The following IDH2 variants were observed in gnomAD, a reference collection of about 807,000 sequenced individuals.
IDH2 encodes isocitrate dehydrogenase [NADP], mitochondrial.
IDH2 carries 18 observed loss-of-function variants against 50.5 expected under a neutral mutation model. The ratio of observed to expected loss-of-function variants is 0.36; its 90% CI spans 0.25 to 0.53. The LOEUF is 0.53. Ranked by LOEUF, IDH2 falls within the 20% of genes least tolerant of loss-of-function variation. The pLI is 0.92. For synonymous variants in IDH2, 280 were observed against 239.8 expected, an observed-to-expected ratio of 1.17 and a Z score of -1.55; for missense variants, 518 against 610.7, an observed-to-expected ratio of 0.85 and a Z score of 1.60.
chr15:90,091,839 A>G (rs1901047427), intron 1 of IDH2, among the ~76,000 whole-genome samples, 195 bp from the exon 2 acceptor site: 1 of 152,204 alleles, frequency 6.6e-6, no homozygotes, highest in Non-Finnish European at 1.5e-5. Context: ...CAGGCCATGG[A>G]CTAGTACCGT....
At chr15:90,087,290 G>A (rs918173411) in intron 6 of IDH2, 27 bp from the exon 7 acceptor site, 2 of 1,614,100 alleles carry the variant, frequency 1.2e-6, no homozygotes, top group Middle Eastern at 1.6e-4. Flanking sequence ...CTGTTATGGG[G>A]AGAGGGCAGA....
At position 90,084,348 on chromosome 15, in the gene IDH2, T is replaced by C. The variant is rs781761976; in HGVS notation, c.1277A>G (p.Lys426Arg). 3.1e-6 allele frequency: 5 copies of C among 1,613,616 alleles called. No homozygotes were observed. In the South Asian group the frequency reaches 5.5e-5, roughly 18 times the overall value. Residue 426 changes from lysine to arginine, a missense_variant, in exon 11 of 11, where the codon AAG becomes AGG. Coordinates refer to ENST00000330062, the MANE Select transcript of IDH2 (RefSeq NM_002168.4). This position sits in a 1 kb window ranked among gnomAD's most constrained non-coding sequence, Gnocchi z 5.0. ...GGTGTTCAGGAAGTGCTCGTTCAGC[T>C]TCACACTGCAGAGAGAGCACCACTC... ...AGCIHGLSNV[K>R]LNEHFLNTTD...
chr15:90,090,474 C>T lies in IDH2; in HGVS notation c.373+5G>A, dbSNP rs1901004338. The T allele has an allele frequency of 2.5e-6, 4 of 1,612,802 alleles. No individual in the cohort carries two copies. Among genetic ancestry groups the T allele is most frequent in the Admixed American group, 1.7e-5 (1 of 60,002 alleles). ...CCTGGCCCGCCCACCTCCACACCCT[C>T]GCACCTTCCACACGGGCCTCATCAG... is the stretch of plus-strand genomic sequence containing the variant. On this transcript the variant is annotated splice_donor_5th_base_variant and intron_variant, in intron 3 of 10. Transcript: ENST00000330062.
At position 90,102,309 on chromosome 15, in the gene IDH2, C is replaced by T; in HGVS notation, c.82G>A (p.Ala28Thr). Residue 28 changes from alanine (A) to threonine (T), a missense_variant, in exon 1 of 11, where the codon GCC (alanine) becomes ACC (threonine). This residue lies in a region of IDH2 where 85 missense variants were observed against 66.9 expected (regional missense o/e 1.27). Coordinates refer to ENST00000330062, the MANE Select transcript of IDH2 (RefSeq NM_002168.4). The stretch of plus-strand genomic sequence containing the variant: ...CGCGGCTGCTCTTGCGAGGTGGGGG[C>T]TGTCAGGGCCGCCGGCGCCCAGGCC... ...RPAWAPAALT[A>T]PTSQEQPRRH... The T allele has an allele frequency of 7.4e-7, 1 of 1,355,248 alleles. No individual in the cohort carries two copies. 84.0% of individuals were successfully genotyped at this position (1,355,248 alleles called of 1,614,324 possible).
intron 5 of IDH2, among the ~76,000 whole-genome samples, chr15:90,087,779 C>CTTTT (rs369432003): frequency 1.6e-5 from 2 of 128,844 alleles, no homozygotes; most frequent in Admixed American, 7.7e-5. Flanking sequence ...AAAACACCGC[C>CTTTT]TTTTTTTTTT....
chr15:90,102,232 A>C, intron 1 of IDH2, 44 bp downstream of exon 1: 1 of 852,524 alleles, frequency 1.2e-6, no homozygotes, highest in Non-Finnish European at 1.5e-6. Context: ...GCCACGTCGC[A>C]GCTGGGGGCG....
In IDH2 at chr15:90,094,891, G is replaced by C. The variant is rs573301312; in HGVS notation, c.116-3247C>G. Among the ~76,000 whole-genome samples the C allele has an allele frequency of 2.3e-3, 266 of 114,596 alleles. 1 individual carries two copies. The highest frequency in any genetic ancestry group is 9.1e-3 in the Admixed American group (94 of 10,348). 75.2% of individuals were successfully genotyped at this position (114,596 alleles called of 152,430 possible). ...CACTCCAGCCTGGGCAACAGAACGA[G>C]ACTCCATCTCAAAAAAACAAACAAA... On this transcript the variant is annotated intron_variant, in intron 1 of 10. Transcript: ENST00000330062.
In IDH2 at chr15:90,087,353, C is replaced by G. The variant is rs574808338; in HGVS notation, c.815+86G>C. ...GAGCCTCGGAGCTGAGCCAAATGCA[C>G]TCTAATAGCGACCTTCCCAGGGTAG... On this transcript the variant is annotated intron_variant, in intron 6 of 10. Coordinates refer to ENST00000330062, the MANE Select transcript of IDH2 (RefSeq NM_002168.4). The G allele has an allele frequency of 4.2e-5, 67 of 1,612,800 alleles. 1 individual carries two copies. The East Asian group carries it at 1.3e-3, about 32-fold the overall frequency.
rs545870570 is a variant in IDH2 at position 90,092,890 on chromosome 15, T to A, written c.116-1246A>T. On this transcript the variant is annotated intron_variant, in intron 1 of 10. Transcript: ENST00000330062. ...CACCGTGCCAGCCTAATTTTAAAAT[T>A]TTTTTGTAGAGATGGAGTCTTGCCC... 1.3e-3 allele frequency among the ~76,000 whole-genome samples: 192 copies of A among 152,318 alleles called. 2 individuals carry two copies. Among genetic ancestry groups the A allele is most frequent in the Middle Eastern group, 0.01 (3 of 294 alleles).
chr15:90,092,411 C>CTA, intron 1 of IDH2, among the ~76,000 whole-genome samples: 1 of 75,444 alleles, frequency 1.3e-5, no homozygotes, highest in African/African-American at 6.0e-5. Flanking sequence ...TCCTCCCTTT[C>CTA]TCTCTCTCTT....
In IDH2 at chr15:90,084,197, T is replaced by G; in HGVS notation, c.*69A>C. 3.1e-6 allele frequency: 4 copies of G among 1,292,090 alleles called. No homozygotes were observed. Among genetic ancestry groups the G allele is most frequent in the Non-Finnish European group, 4.4e-6 (4 of 901,514 alleles). The allele number at this position is 1,292,090 out of a possible 1,614,324, so 80.0% of individuals were successfully genotyped here. On this transcript the variant is annotated 3_prime_UTR_variant, in exon 11 of 11. Coordinates refer to ENST00000330062, the MANE Select transcript of IDH2 (RefSeq NM_002168.4). The surrounding 1 kb of genome is among the most constrained non-coding windows in gnomAD (Gnocchi z 5.0). The stretch of plus-strand genomic sequence containing the variant: ...GAGAGGGGCTGTGAGGCTCACCCTC[T>G]GCCGCGCTCAGGAGGACCCGCCGGC...
chr15:90,090,974 C>CG (rs987513729), intron 2 of IDH2, among the ~76,000 whole-genome samples: 3 of 152,210 alleles, frequency 2.0e-5, no homozygotes, highest in African/African-American at 7.2e-5. Flanking sequence ...CTAGATTTCT[C>CG]TATACAACTG....
chr15:90,100,744 T>TTACCTGGC lies in IDH2; in HGVS notation c.115+1531_115+1532insGCCAGGTA. 1 of 728,130 alleles carries TTACCTGGC rather than the reference T, an allele frequency of 1.4e-6. No individual in the cohort carries two copies. The highest frequency in any genetic ancestry group is 1.7e-6 in the Non-Finnish European group (1 of 594,974). 45.1% of individuals were successfully genotyped at this position (728,130 alleles called of 1,614,324 possible). A position where few individuals can be genotyped will look rare whatever the true frequency, so the allele number is the denominator to read the frequency against. ...TTCTGTCTCCAGCTGCGTTGCCAGG[T>TTACCTGGC]AACAAGCTGGCAGAGTCGCAACTGT... On this transcript the variant is annotated intron_variant, in intron 1 of 10. Transcript: ENST00000330062. This position sits in a 1 kb window ranked among gnomAD's most constrained non-coding sequence, Gnocchi z 4.1.
rs2151548361 is a variant in IDH2 at position 90,087,425 on chromosome 15, G to A, written c.815+14C>T. 1 of 1,614,094 alleles carries A rather than the reference G, an allele frequency of 6.2e-7. No homozygotes were observed. The highest frequency in any genetic ancestry group is 2.2e-5 in the East Asian group (1 of 44,886). On this transcript the variant is annotated intron_variant, in intron 6 of 10. Transcript: ENST00000330062. ...AGGGAAGAAAGGCCACAGAGTACAT[G>A]GATGAGGCTTTACTTGTCAAAGATC...
Position 90,100,339 on chromosome 15 carries a change from C to T in IDH2, c.115+1937G>A, listed in dbSNP as rs1419071603. Among the ~76,000 whole-genome samples, 1 of 152,158 alleles carries T rather than the reference C, an allele frequency of 6.6e-6. No homozygotes were observed. The highest frequency in any genetic ancestry group is 1.5e-5 in the Non-Finnish European group (1 of 68,040). On this transcript the variant is annotated intron_variant, in intron 1 of 10. Transcript: ENST00000330062. This position sits in a 1 kb window ranked among gnomAD's most constrained non-coding sequence, Gnocchi z 4.1. ...CAACTTCACACAGAAGATGTGGGAGCAGGCCTCAGCCATTCCAAAGAGGCT... is the reference window on the plus strand; with the variant it reads ...CAACTTCACACAGAAGATGTGGGAGTAGGCCTCAGCCATTCCAAAGAGGCT...
At chr15:90,086,004 G>A (rs1900850519) in intron 7 of IDH2, among the ~76,000 whole-genome samples, 1 of 152,064 alleles carries the variant, frequency 6.6e-6, no homozygotes, top group East Asian at 1.9e-4. Context: ...TAAGAATTTT[G>A]GCTGTAAGCA....
intron 1 of IDH2, among the ~76,000 whole-genome samples, chr15:90,095,545 T>C (rs1901161442): frequency 1.3e-5 from 2 of 151,576 alleles, no homozygotes; most frequent in Admixed American, 1.3e-4. Flanking sequence ...GTTCTTCAGG[T>C]TTCAGCCTCA....
rs747720547 is a variant in IDH2 at position 90,088,480 on chromosome 15, G to C, written c.557C>G (p.Ala186Gly). 6.2e-7 allele frequency: 1 copy of C among 1,614,238 alleles called. No homozygotes were observed. Among genetic ancestry groups the C allele is most frequent in the Admixed American group, 1.7e-5 (1 of 60,026 alleles). ...CATTTTGAAAGTGCCGGCCCGGTCTGCCACAAAGTCTGTGGCCTTGTACTG... is the reference window on the plus strand; with the variant it reads ...CATTTTGAAAGTGCCGGCCCGGTCTCCCACAAAGTCTGTGGCCTTGTACTG... ...GDQYKATDFV[A>G]DRAGTFKMVF... The change falls in exon 5 of 11, where the codon GCA (alanine) becomes GGA (glycine). Residue 186 changes from alanine to glycine, a missense_variant. Physicochemically the swap from Ala to Gly is moderately conservative, Grantham distance 60. Coordinates refer to ENST00000330062, the MANE Select transcript of IDH2 (RefSeq NM_002168.4).
Position 90,084,700 on chromosome 15 carries a change from T to C in IDH2, c.1271+116A>G. 1.2e-6 allele frequency: 1 copy of C among 862,844 alleles called. No homozygotes were observed. The highest frequency in any genetic ancestry group is 2.0e-6 in the Non-Finnish European group (1 of 511,150). 53.4% of individuals were successfully genotyped at this position (862,844 alleles called of 1,614,324 possible). On this transcript the variant is annotated intron_variant, in intron 10 of 10. Coordinates refer to ENST00000330062, the MANE Select transcript of IDH2 (RefSeq NM_002168.4). The surrounding 1 kb of genome is among the most constrained non-coding windows in gnomAD (Gnocchi z 5.0). ...GAGCAGTCTCTCAGGGCTGTGGACATGTCCTGCCCCAGGCCCCCTTGCAGC... is the reference window on the plus strand; with the variant it reads ...GAGCAGTCTCTCAGGGCTGTGGACACGTCCTGCCCCAGGCCCCCTTGCAGC...
Sources: gnomAD v4.1 joint callset for allele counts (sites outside exome capture counted in the v4.1 genomes callset) on GRCh38, gnomAD v4.1.1 for gene constraint, gnomAD v4.1.1 regional missense constraint, Gnocchi (gnomAD v3.1) non-coding constraint, MANE v1.5 for transcripts, NCBI Gene and HGNC (gene_info 2026-07-23, HGNC 2026-07-21) for gene names.